Variants in ADCY8 observed in about 807,000 individuals in gnomAD.
ADCY8 encodes the protein adenylate cyclase type 8.
ADCY8 carries 51 observed loss-of-function variants against 119.7 expected under a neutral mutation model. The observed-to-expected ratio is 0.43, with a 90% CI of 0.34 to 0.54. The LOEUF (loss-of-function observed/expected upper bound fraction) is 0.54, where lower values mean the gene tolerates loss of function less well. Ranked by LOEUF, ADCY8 falls within the 20% of genes least tolerant of loss-of-function variation. ADCY8 has a pLI of 0.03. For synonymous variants in ADCY8, 665 were observed against 651.0 expected (o/e 1.02, Z -0.33); for missense variants, 1,383 against 1,598.8 (o/e 0.87, Z 2.30).
At chr8:130,943,827 T>A (rs1002121463) in intron 3 of ADCY8, among the ~76,000 whole-genome samples, 4 of 152,142 alleles carry the variant, frequency 2.6e-5, no homozygotes, top group African/African-American at 9.7e-5. Context: ...TGAACAGCAA[T>A]GCACATGCAA....
chr8:130,815,059 A>G (rs1816293885), intron 13 of ADCY8, among the ~76,000 whole-genome samples: 1 of 152,112 alleles, frequency 6.6e-6, no homozygotes, highest in South Asian at 2.1e-4. Flanking sequence ...ATCCCTCAGG[A>G]TGAGATTACT....
At chr8:130,890,628 C>T (rs903293568) in intron 7 of ADCY8, among the ~76,000 whole-genome samples, 4 of 152,152 alleles carry the variant, frequency 2.6e-5, no homozygotes, top group African/African-American at 7.2e-5. Flanking sequence ...AGCCTAGTGA[C>T]GCTTGTCAAT....
intron 11 of ADCY8, among the ~76,000 whole-genome samples, chr8:130,843,973 T>C (rs532423077): frequency 6.6e-6 from 1 of 152,256 alleles, no homozygotes; most frequent in Non-Finnish European, 1.5e-5. Context: ...GCTTGAAGGC[T>C]GGGTAGGACC....
chr8:130,815,660 AAT>A (rs1308180899), intron 13 of ADCY8, among the ~76,000 whole-genome samples: 2 of 152,242 alleles, frequency 1.3e-5, no homozygotes, highest in Non-Finnish European at 2.9e-5. Flanking sequence ...ACCACTAGGT[AAT>A]ATAGAATAAA....
chr8:130,880,367 G>A (rs1243205586), intron 8 of ADCY8, among the ~76,000 whole-genome samples: 6 of 152,030 alleles, frequency 3.9e-5, no homozygotes, highest in Non-Finnish European at 7.4e-5. Flanking sequence ...AACTTTTACT[G>A]GTGAAAATGC....
intron 1 of ADCY8, among the ~76,000 whole-genome samples, chr8:130,991,056 C>T (rs947707996): frequency 2.0e-5 from 3 of 152,184 alleles, no homozygotes; most frequent in Non-Finnish European, 4.4e-5. Flanking sequence ...AAAAGAAACA[C>T]GTTTTTCTAT....
chr8:131,000,604 T>G (rs1822912606), intron 1 of ADCY8, among the ~76,000 whole-genome samples: 1 of 152,062 alleles, frequency 6.6e-6, no homozygotes, highest in Non-Finnish European at 1.5e-5. Context: ...GTTTAGTCAT[T>G]TGCTTGAGAT....
intron 7 of ADCY8, among the ~76,000 whole-genome samples, chr8:130,889,280 T>C (rs1443018613): frequency 1.3e-5 from 2 of 152,204 alleles, no homozygotes; most frequent in East Asian, 1.9e-4. Context: ...CCAGGGCCTA[T>C]GACAATGCCT....
intron 2 of ADCY8, among the ~76,000 whole-genome samples, chr8:130,988,018 C>T (rs988389546): frequency 2.0e-5 from 3 of 152,184 alleles, no homozygotes; most frequent in Non-Finnish European, 4.4e-5. Flanking sequence ...TAATTCTAAC[C>T]ATTAAGGAGA....
chr8:130,866,118 A>T (rs909308502), intron 9 of ADCY8, among the ~76,000 whole-genome samples: 3 of 152,056 alleles, frequency 2.0e-5, no homozygotes, highest in South Asian at 2.1e-4. Context: ...CTATATTGGA[A>T]TGTATGGGTC....
At chr8:130,988,504 G>A (rs1822473544) in intron 2 of ADCY8, among the ~76,000 whole-genome samples, 1 of 152,104 alleles carries the variant, frequency 6.6e-6, no homozygotes, top group African/African-American at 2.4e-5. Context: ...TCTCATTTGA[G>A]GCAAATATAA....
At chr8:130,846,445 G>C (rs985823439) in intron 11 of ADCY8, among the ~76,000 whole-genome samples, 7 of 152,034 alleles carry the variant, frequency 4.6e-5, no homozygotes, top group East Asian at 1.9e-4. Flanking sequence ...GGCACTCTTT[G>C]TATCAGTTAA....
chr8:131,008,982 A>G (rs892268094), intron 1 of ADCY8, among the ~76,000 whole-genome samples: 1 of 152,222 alleles, frequency 6.6e-6, no homozygotes, highest in Non-Finnish European at 1.5e-5. Flanking sequence ...AACTAGTGGA[A>G]GAAATTTCTA....
At chr8:130,871,655 T>A (rs1182192579) in intron 8 of ADCY8, among the ~76,000 whole-genome samples, 2 of 152,214 alleles carry the variant, frequency 1.3e-5, no homozygotes, top group African/African-American at 4.8e-5. Flanking sequence ...TGCTGTCTTC[T>A]ATTCCTCTGT....
intron 14 of ADCY8, among the ~76,000 whole-genome samples, chr8:130,811,821 C>T (rs925020411): frequency 6.6e-6 from 1 of 152,158 alleles, no homozygotes; most frequent in Admixed American, 6.5e-5. Context: ...TAACACGAAA[C>T]CCAAAGATGT....
intron 14 of ADCY8, among the ~76,000 whole-genome samples, chr8:130,809,826 A>G (rs1292808143): frequency 6.6e-6 from 1 of 152,242 alleles, no homozygotes; most frequent in Non-Finnish European, 1.5e-5. Context: ...AGCTTGCAGC[A>G]ATGATGGCAC....
intron 7 of ADCY8, among the ~76,000 whole-genome samples, chr8:130,898,002 T>C (rs1819465685): frequency 6.6e-6 from 1 of 150,394 alleles, no homozygotes; most frequent in Non-Finnish European, 1.5e-5. Flanking sequence ...ACAACACACA[T>C]AAATACTCAC....
At chr8:131,033,469 G>C (rs1016843708) in intron 1 of ADCY8, among the ~76,000 whole-genome samples, 1 of 152,110 alleles carries the variant, frequency 6.6e-6, no homozygotes, top group Non-Finnish European at 1.5e-5. Flanking sequence ...CATTGTAGCA[G>C]CTGCTCTAGA....
At chr8:130,854,800 T>A (rs936511319) in intron 9 of ADCY8, among the ~76,000 whole-genome samples, 3 of 122,588 alleles carry the variant, frequency 2.4e-5, no homozygotes, top group Non-Finnish European at 4.9e-5. Context: ...CCTCTTTCCC[T>A]CCGTCCCTCC....
Sources: gnomAD v4.1 joint callset for allele counts (sites outside exome capture counted in the v4.1 genomes callset) on GRCh38, gnomAD v4.1.1 for gene constraint, MANE v1.5 for transcripts, NCBI Gene and HGNC (gene_info 2026-07-23, HGNC 2026-07-21) for gene names.